TOP6BL: variants seen among roughly 807,000 people sequenced by gnomAD.
TOP6BL encodes the protein type 2 DNA topoisomerase 6 subunit B-like.
At chr11:66,820,982 C>G in the TOP6BL span, among the ~76,000 whole-genome samples, 5 of 152,188 alleles carry the variant, frequency 3.3e-5, no homozygotes, top group Non-Finnish European at 2.9e-5. Context: ...GGCATCTTTC[C>G]CACTCCCAGT....
chr11:66,744,820 G>GGCT, the TOP6BL span: 1 of 939,568 alleles, frequency 1.1e-6, no homozygotes, highest in South Asian at 3.0e-5. Context: ...CTGAGGAGGG[G>GGCT]GCGGCGGCGG....
chr11:66,842,436 A>T, the TOP6BL span, among the ~76,000 whole-genome samples: 1 of 152,212 alleles, frequency 6.6e-6, no homozygotes, highest in Non-Finnish European at 1.5e-5. Flanking sequence ...ATCAGTTAAG[A>T]GTAGGAAAGC....
At chr11:66,839,665 G>A in the TOP6BL span, among the ~76,000 whole-genome samples, 2 of 152,182 alleles carry the variant, frequency 1.3e-5, no homozygotes, top group African/African-American at 2.4e-5. Flanking sequence ...TGCTGTGAAC[G>A]CTTGTACAAA....
the TOP6BL span, among the ~76,000 whole-genome samples, chr11:66,745,467 TC>T: frequency 6.6e-6 from 1 of 152,082 alleles, no homozygotes; most frequent in African/African-American, 2.4e-5. Context: ...ACACCTGTGC[TC>T]GGGGAGCTGC....
the TOP6BL span, among the ~76,000 whole-genome samples, chr11:66,777,498 A>G: frequency 6.6e-6 from 1 of 152,198 alleles, no homozygotes; most frequent in East Asian, 1.9e-4. Flanking sequence ...CTTAATGCAT[A>G]TAGCTCTTTA....
the TOP6BL span, among the ~76,000 whole-genome samples, chr11:66,822,947 C>T: frequency 4.0e-5 from 6 of 150,888 alleles, no homozygotes; most frequent in East Asian, 2.0e-4. Context: ...GAGGCTGAGC[C>T]GTGATCATGC....
chr11:66,772,185 A>AT, the TOP6BL span, among the ~76,000 whole-genome samples: 5 of 152,166 alleles, frequency 3.3e-5, no homozygotes, highest in African/African-American at 4.8e-5. Context: ...AGTAAGTGGT[A>AT]TTTTTTTAAG....
At chr11:66,744,820 G>GGCGGCT in the TOP6BL span, 22 of 939,502 alleles carry the variant, frequency 2.3e-5, no homozygotes, top group Non-Finnish European at 2.9e-5. Flanking sequence ...CTGAGGAGGG[G>GGCGGCT]GCGGCGGCGG....
the TOP6BL span, among the ~76,000 whole-genome samples, chr11:66,769,180 T>A: frequency 6.6e-6 from 1 of 152,170 alleles, no homozygotes; most frequent in Non-Finnish European, 1.5e-5. Flanking sequence ...ACTTTATGGC[T>A]AGCCATTTAA....
chr11:66,782,985 T>G, the TOP6BL span, among the ~76,000 whole-genome samples: 86 of 152,296 alleles, frequency 5.6e-4, 1 homozygote, highest in South Asian at 9.9e-3. Flanking sequence ...TTAGTGGTTA[T>G]TTGAGGACTT....
At chr11:66,813,155 C>T in the TOP6BL span, among the ~76,000 whole-genome samples, 7 of 152,182 alleles carry the variant, frequency 4.6e-5, no homozygotes, top group Non-Finnish European at 5.9e-5. Flanking sequence ...CATTGTATTA[C>T]AGCTTACCGG....
the TOP6BL span, among the ~76,000 whole-genome samples, chr11:66,760,758 C>G: frequency 6.8e-6 from 1 of 147,240 alleles, no homozygotes; most frequent in Non-Finnish European, 1.5e-5. Context: ...AAGCCGTGAT[C>G]ACACACCACT....
At chr11:66,761,415 GATA>G in the TOP6BL span, among the ~76,000 whole-genome samples, 2 of 151,982 alleles carry the variant, frequency 1.3e-5, no homozygotes, top group African/African-American at 4.8e-5. Flanking sequence ...AGAAAAAAAT[GATA>G]ATAAATGAGG....
chr11:66,813,392 T>A, the TOP6BL span, among the ~76,000 whole-genome samples: 1 of 152,142 alleles, frequency 6.6e-6, no homozygotes, highest in Non-Finnish European at 1.5e-5. Context: ...TCCTAGTGGA[T>A]CTATCTCTGG....
At chr11:66,827,632 A>G in the TOP6BL span, among the ~76,000 whole-genome samples, 11 of 152,046 alleles carry the variant, frequency 7.2e-5, no homozygotes, top group African/African-American at 2.7e-4. Flanking sequence ...TAACCCCTTC[A>G]TGAACAGATG....
chr11:66,762,472 GT>G, the TOP6BL span: 54 of 268,722 alleles, frequency 2.0e-4, no homozygotes, highest in South Asian at 2.0e-3. Context: ...ACCCTTTTTT[GT>G]TTGTTTGTTT....
the TOP6BL span, among the ~76,000 whole-genome samples, chr11:66,796,785 GAAAAAAAAA>G: frequency 1.0e-5 from 1 of 95,436 alleles, no homozygotes; most frequent in African/African-American, 3.7e-5. Context: ...CCTGTCTTTG[GAAAAAAAAA>G]AAAAAAAAGA....
the TOP6BL span, among the ~76,000 whole-genome samples, chr11:66,783,927 G>T: frequency 2.0e-5 from 3 of 152,176 alleles, no homozygotes; most frequent in African/African-American, 7.2e-5. Flanking sequence ...CTGGCCTGAG[G>T]TAATCCTCCC....
chr11:66,776,722 G>A, the TOP6BL span, among the ~76,000 whole-genome samples: 10 of 152,138 alleles, frequency 6.6e-5, no homozygotes, highest in East Asian at 3.9e-4. Flanking sequence ...ATTTGCCAGC[G>A]TGTTTGTTAT....
Sources: gnomAD v4.1 joint callset for allele counts (sites outside exome capture counted in the v4.1 genomes callset) on GRCh38, gnomAD v4.1.1 for gene constraint, MANE v1.5 for transcripts, NCBI Gene and HGNC (gene_info 2026-07-23, HGNC 2026-07-21) for gene names.